TMEFF2: variants seen among roughly 807,000 people sequenced by gnomAD.
The protein encoded by TMEFF2 is tomoregulin-2.
Under a neutral mutation model 53.8 loss-of-function variants are expected in TMEFF2, and 28 were observed. The observed-to-expected ratio is 0.52, with a 90% confidence interval of 0.39 to 0.71. TMEFF2 has a LOEUF of 0.71. Ranked by LOEUF, TMEFF2 falls within the 30% of genes least tolerant of loss-of-function variation. The probability of loss-of-function intolerance (pLI) is 0.00; values close to 1 mark genes in which losing one functional copy is unlikely to be tolerated. For missense variants in TMEFF2, 353 were observed against 455.2 expected, an observed-to-expected ratio of 0.78 and a Z score of 2.04; for synonymous variants, 162 against 166.3, an observed-to-expected ratio of 0.97 and a Z score of 0.20.
intron 4 of TMEFF2, among the ~76,000 whole-genome samples, chr2:192,094,946 A>G (rs1448728481): frequency 6.6e-6 from 1 of 152,216 alleles, no homozygotes; most frequent in East Asian, 1.9e-4. Context: ...TAGTGTATAC[A>G]TTGGAGAGGG....
rs1254907534 is a variant in TMEFF2 at position 192,186,989 on chromosome 2, G to A, written c.283-2506C>T. On this transcript the variant is annotated intron_variant, in intron 2 of 9. Transcript: ENST00000272771. Reference sequence around the variant, plus strand: ...ACAGTTCTAAAAACAGAGCTGCCAAGTTCCATGCACAAGCCAAAAGGGAGA... The same window carrying A: ...ACAGTTCTAAAAACAGAGCTGCCAAATTCCATGCACAAGCCAAAAGGGAGA... 4.6e-5 allele frequency among the ~76,000 whole-genome samples: 7 copies of A among 152,154 alleles called. No homozygotes were observed. In the East Asian group the frequency reaches 1.3e-3, roughly 29 times the overall value.
At position 191,952,543 on chromosome 2, in the gene TMEFF2, T is replaced by C. The variant is rs149024470; in HGVS notation, c.1028+1136A>G. Among the ~76,000 whole-genome samples the C allele has an allele frequency of 7.2e-5, 11 of 152,270 alleles. No individual in the cohort carries two copies. The East Asian group carries it at 2.1e-3, about 29-fold the overall frequency. On this transcript the variant is annotated intron_variant, in intron 9 of 9. Transcript: ENST00000272771. The stretch of plus-strand genomic sequence containing the variant: ...TTATGTTCCCCAGAATCTATTTTAA[T>C]ATAATCACTTGGCATCTAAACGTGA...
At position 192,075,285 on chromosome 2, in the gene TMEFF2, TTATATATATATATA is replaced by T. The variant is rs111733023; in HGVS notation, c.440-17524_440-17511del. Among the ~76,000 whole-genome samples the T allele has an allele frequency of 5.0e-4, 33 of 65,760 alleles. 3 individuals are homozygous for T. Among genetic ancestry groups the T allele is most frequent in the African/African-American group, 1.4e-3 (23 of 16,184 alleles). The allele number at this position is 65,760 out of a possible 152,430, so 43.1% of individuals were successfully genotyped here. A position where few individuals can be genotyped will look rare whatever the true frequency, so the allele number is the denominator to read the frequency against. Reference sequence around the variant, plus strand: ...TTATTATACCCAGAGTACAGTACTATTATATATATATATATATATATATATATATATATATATAT... The same window carrying T: ...TTATTATACCCAGAGTACAGTACTATTATATATATATATATATATATATAT... On this transcript the variant is annotated intron_variant, in intron 4 of 9. Transcript: ENST00000272771.
chr2:192,176,911 A>G (rs1334656957), intron 4 of TMEFF2: 1 of 151,154 alleles, frequency 6.6e-6, no homozygotes, highest in Non-Finnish European at 1.5e-5. Context: ...ATCATTTATG[A>G]TAGTCACACA....
chr2:191,967,824 C>T (rs1040056902), intron 7 of TMEFF2, among the ~76,000 whole-genome samples: 20 of 152,138 alleles, frequency 1.3e-4, no homozygotes, highest in Admixed American at 3.9e-4. Flanking sequence ...CATGGTTTGC[C>T]CTCTGCTGCT....
intron 5 of TMEFF2, among the ~76,000 whole-genome samples, chr2:191,999,456 T>C (rs1163655989): frequency 6.6e-6 from 1 of 152,044 alleles, no homozygotes; most frequent in Non-Finnish European, 1.5e-5. Flanking sequence ...GATCATCAGT[T>C]AATTTCTGCC....
chr2:192,162,223 T>G (rs999601694), intron 4 of TMEFF2, among the ~76,000 whole-genome samples: 11 of 152,174 alleles, frequency 7.2e-5, no homozygotes, highest in African/African-American at 2.4e-4. Flanking sequence ...CACATCACCA[T>G]CAGCCATGTT....
At chr2:192,156,282 T>G (rs576312088) in intron 4 of TMEFF2, among the ~76,000 whole-genome samples, 1 of 152,218 alleles carries the variant, frequency 6.6e-6, no homozygotes, top group South Asian at 2.1e-4. Flanking sequence ...AATGTTTATA[T>G]GTACCGGATA....
intron 4 of TMEFF2, among the ~76,000 whole-genome samples, chr2:192,064,676 T>C (rs978615605): frequency 6.6e-6 from 1 of 151,902 alleles, no homozygotes; most frequent in African/African-American, 2.4e-5. Flanking sequence ...TTCCCTGATA[T>C]CATCATTAGT....
chr2:192,015,719 T>C (rs1462155449), intron 5 of TMEFF2, among the ~76,000 whole-genome samples: 1 of 152,188 alleles, frequency 6.6e-6, no homozygotes, highest in Non-Finnish European at 1.5e-5. Context: ...GGCTCGTTTC[T>C]ATGAGAAAAT....
chr2:192,193,567 G>A (rs553500454), intron 1 of TMEFF2, among the ~76,000 whole-genome samples: 1 of 152,062 alleles, frequency 6.6e-6, no homozygotes, highest in Non-Finnish European at 1.5e-5. Flanking sequence ...CCCTCGGCTC[G>A]CCTACATGGA....
chr2:192,143,890 C>T (rs1574411992), intron 4 of TMEFF2, among the ~76,000 whole-genome samples: 1 of 152,042 alleles, frequency 6.6e-6, no homozygotes, highest in Non-Finnish European at 1.5e-5. Context: ...GCACATACAG[C>T]GGTTTATTTT....
At chr2:192,113,096 A>G (rs1365071461) in intron 4 of TMEFF2, among the ~76,000 whole-genome samples, 3 of 152,238 alleles carry the variant, frequency 2.0e-5, no homozygotes, top group Admixed American at 2.0e-4. Context: ...GTGTTTTAAC[A>G]TGATTTAATT....
chr2:191,949,685 C>T lies in TMEFF2; in HGVS notation c.*626G>A, dbSNP rs189659120. 3,013 of 985,398 alleles carry T rather than the reference C, an allele frequency of 3.1e-3. 8 individuals carry two copies. The highest frequency in any genetic ancestry group is 3.5e-3 in the Non-Finnish European group (2,895 of 829,946). 61.0% of individuals were successfully genotyped at this position (985,398 alleles called of 1,614,324 possible). On this transcript the variant is annotated 3_prime_UTR_variant, in exon 10 of 10. Coordinates refer to ENST00000272771, the MANE Select transcript of TMEFF2 (RefSeq NM_016192.4). ...TTATGAGTTATAAAACACTTTCCCTCCCCTTCTTCTTTTATTTAGTTTATA... is the reference window on the plus strand; with the variant it reads ...TTATGAGTTATAAAACACTTTCCCTTCCCTTCTTCTTTTATTTAGTTTATA...
chr2:191,986,740 C>T (rs2105821125), intron 7 of TMEFF2, among the ~76,000 whole-genome samples: 1 of 151,674 alleles, frequency 6.6e-6, no homozygotes, highest in South Asian at 2.1e-4. Context: ...TGCCTGTAAT[C>T]CCAGCTACTC....
intron 5 of TMEFF2, among the ~76,000 whole-genome samples, chr2:192,056,278 G>A (rs887514058): frequency 7.3e-5 from 11 of 151,098 alleles, no homozygotes; most frequent in Non-Finnish European, 1.2e-4. Context: ...GAAAAAGAGA[G>A]AAATAATAGC....
intron 5 of TMEFF2, among the ~76,000 whole-genome samples, chr2:192,048,041 A>C (rs952712014): frequency 2.6e-5 from 4 of 152,202 alleles, no homozygotes; most frequent in African/African-American, 9.7e-5. Context: ...GTTTTCAGTT[A>C]ACATACTGTC....
chr2:192,135,173 T>C (rs767561264), intron 4 of TMEFF2, among the ~76,000 whole-genome samples: 6 of 152,344 alleles, frequency 3.9e-5, no homozygotes, highest in African/African-American at 4.8e-5. Context: ...ACTATTCATA[T>C]ATGCCCTGCT....
chr2:192,103,506 A>G lies in TMEFF2; in HGVS notation c.440-45731T>C, dbSNP rs147435471. ...AGATGTACAGTAATCATTTAGTTCAACTAGGACTTGGATCTAGCCTTCCTA... is the reference window on the plus strand; with the variant it reads ...AGATGTACAGTAATCATTTAGTTCAGCTAGGACTTGGATCTAGCCTTCCTA... On this transcript the variant is annotated intron_variant, in intron 4 of 9. Coordinates refer to ENST00000272771, the MANE Select transcript of TMEFF2 (RefSeq NM_016192.4). Among the ~76,000 whole-genome samples the G allele has an allele frequency of 2.6e-3, 400 of 152,184 alleles. 5 individuals are homozygous for G. The highest frequency in any genetic ancestry group is 9.1e-3 in the African/African-American group (378 of 41,548).
Sources: gnomAD v4.1 joint callset for allele counts (sites outside exome capture counted in the v4.1 genomes callset) on GRCh38, gnomAD v4.1.1 for gene constraint, MANE v1.5 for transcripts, NCBI Gene and HGNC (gene_info 2026-07-23, HGNC 2026-07-21) for gene names.